The following WDPCP variants were observed in gnomAD, a reference collection of about 807,000 sequenced individuals.
WDPCP encodes the protein WD repeat-containing and planar cell polarity effector protein fritz homolog.
Under a neutral mutation model 93.1 loss-of-function variants are expected in WDPCP, and 71 were observed. The observed-to-expected ratio is 0.76, with a 90% CI of 0.63 to 0.93. The LOEUF is 0.93. WDPCP is among the 40% of genes least tolerant of loss of function. The pLI is 0.00. For missense variants in WDPCP, 844 were observed against 887.4 expected (o/e 0.95, Z 0.62); for synonymous variants, 315 against 315.0 (o/e 1.00, Z 0.00).
At chr2:63,266,866 T>C (rs1682174236) in intron 13 of WDPCP, among the ~76,000 whole-genome samples, 1 of 152,202 alleles carries the variant, frequency 6.6e-6, no homozygotes, top group Non-Finnish European at 1.5e-5. Flanking sequence ...CCCATATTCA[T>C]GGATTAGTAG....
At chr2:63,288,777 C>A (rs4671472) in intron 13 of WDPCP, among the ~76,000 whole-genome samples, 121,915 of 152,156 alleles carry the variant, frequency 0.8, 49,713 homozygotes, top group East Asian at 0.96. Flanking sequence ...ATATCCATTT[C>A]TTGATGCATT....
intron 14 of WDPCP, among the ~76,000 whole-genome samples, chr2:63,213,957 C>A (rs1482057381): frequency 1.3e-5 from 2 of 152,050 alleles, no homozygotes; most frequent in African/African-American, 2.4e-5. Flanking sequence ...CAATAACAGG[C>A]TCTGAAATTG....
intron 12 of WDPCP, among the ~76,000 whole-genome samples, chr2:63,356,336 T>A (rs1558511706): frequency 6.6e-6 from 1 of 152,172 alleles, no homozygotes; most frequent in Non-Finnish European, 1.5e-5. Context: ...AGTGGGACAC[T>A]TCAACACTCC....
At chr2:63,134,724 G>A (rs1241671109) in intron 17 of WDPCP, among the ~76,000 whole-genome samples, 1 of 152,202 alleles carries the variant, frequency 6.6e-6, no homozygotes, top group Non-Finnish European at 1.5e-5. Flanking sequence ...CATCTTTGAA[G>A]TATGTATTTA....
chr2:63,593,453 G>T, upstream of WDPCP: 2 of 412,802 alleles, frequency 4.8e-6, no homozygotes, highest in Non-Finnish European at 5.0e-6. Context: ...GTACCAAATT[G>T]CTGAGTGCTG....
At chr2:63,670,886 A>G (rs1206472420) in intron 2 of WDPCP, among the ~76,000 whole-genome samples, 2 of 152,184 alleles carry the variant, frequency 1.3e-5, no homozygotes, top group Non-Finnish European at 2.9e-5. Flanking sequence ...AGAGAGGAAA[A>G]AAAAGTAGGA....
chr2:63,685,673 A>G lies in WDPCP; in HGVS notation n.309-34835T>C, dbSNP rs373694906. On this transcript the variant is annotated intron_variant and non_coding_transcript_variant, in intron 2 of 4. Transcript: ENST00000467687. ...CAGAAAAAGAAAACTACAGGCCAAT[A>G]TCTCTGATGAATATTGATGCAAAAA... Among the ~76,000 whole-genome samples the G allele has an allele frequency of 9.2e-5, 14 of 152,336 alleles. No homozygotes were observed. In the East Asian group the frequency reaches 2.1e-3, roughly 23 times the overall value.
chr2:63,595,268 A>G (rs577687140), intron 3 of WDPCP, among the ~76,000 whole-genome samples: 17 of 152,198 alleles, frequency 1.1e-4, no homozygotes, highest in Non-Finnish European at 7.3e-5. Flanking sequence ...TGAAAGTGGC[A>G]TAGTGCTAGA....
At chr2:63,216,902 TG>T (rs1461570417) in intron 14 of WDPCP, among the ~76,000 whole-genome samples, 1 of 152,182 alleles carries the variant, frequency 6.6e-6, no homozygotes, top group African/African-American at 2.4e-5. Flanking sequence ...GACACTGAAT[TG>T]GGTTCACCTG....
chr2:63,788,650 G>T (rs1670502719), intron 2 of WDPCP, among the ~76,000 whole-genome samples: 1 of 152,030 alleles, frequency 6.6e-6, no homozygotes, highest in Non-Finnish European at 1.5e-5. Context: ...GAAACAAACT[G>T]CCAAAGTTCC....
intron 2 of WDPCP, among the ~76,000 whole-genome samples, chr2:63,705,096 A>G (rs1225041504): frequency 6.6e-6 from 1 of 152,160 alleles, no homozygotes; most frequent in Non-Finnish European, 1.5e-5. Context: ...AGAGGTGTTT[A>G]TAGTATTCTC....
intron 1 of WDPCP, among the ~76,000 whole-genome samples, chr2:63,562,750 C>G (rs1706722322): frequency 6.6e-6 from 1 of 152,146 alleles, no homozygotes. Flanking sequence ...TTTCAACTTA[C>G]TTAATGAGTT....
chr2:63,637,825 A>G (rs1473569678), intron 3 of WDPCP, among the ~76,000 whole-genome samples: 5 of 152,320 alleles, frequency 3.3e-5, no homozygotes, highest in Non-Finnish European at 5.9e-5. Context: ...AACTGTCTCA[A>G]ATTTTTGGTG....
intron 9 of WDPCP, among the ~76,000 whole-genome samples, chr2:63,413,756 C>T (rs967187585): frequency 6.6e-5 from 10 of 151,986 alleles, no homozygotes; most frequent in African/African-American, 2.2e-4. Flanking sequence ...CAAGATCCAG[C>T]CTGGGCTACA....
intron 2 of WDPCP, among the ~76,000 whole-genome samples, chr2:63,789,171 A>G (rs1358129600): frequency 6.6e-6 from 1 of 152,250 alleles, no homozygotes; most frequent in Non-Finnish European, 1.5e-5. Flanking sequence ...GATGTGCCAG[A>G]TAAGTCAATA....
Position 63,494,160 on chromosome 2 carries a change from G to A in WDPCP, c.76-1220C>T, listed in dbSNP as rs1701061211. ...CTGAAATGGCAGAGTGAAAAATGTG[G>A]CAGCACACAAGAGGGGCCCAATCCT... On this transcript the variant is annotated intron_variant, in intron 1 of 17. Transcript: ENST00000272321. Among the ~76,000 whole-genome samples the A allele has an allele frequency of 2.0e-5, 3 of 152,086 alleles. No individual in the cohort carries two copies. In the South Asian group the frequency reaches 6.2e-4, roughly 31 times the overall value.
chr2:63,322,048 T>C (rs571386226), intron 12 of WDPCP, among the ~76,000 whole-genome samples: 1 of 152,302 alleles, frequency 6.6e-6, no homozygotes, highest in African/African-American at 2.4e-5. Flanking sequence ...GGTGGGGACT[T>C]GGAGAACTTT....
chr2:63,595,473 C>T (rs746932100), intron 3 of WDPCP: 12 of 1,613,312 alleles, frequency 7.4e-6, no homozygotes, highest in East Asian at 2.2e-5. Context: ...GTGTCCTGGA[C>T]GGTGTCCTAA....
At chr2:63,459,682 G>A (rs1698874873) in intron 6 of WDPCP, among the ~76,000 whole-genome samples, 1 of 152,174 alleles carries the variant, frequency 6.6e-6, no homozygotes, top group African/African-American at 2.4e-5. Flanking sequence ...TTGGGAGGCT[G>A]AGGCAGGCAG....
Sources: gnomAD v4.1 joint callset for allele counts (sites outside exome capture counted in the v4.1 genomes callset) on GRCh38, gnomAD v4.1.1 for gene constraint, MANE v1.5 for transcripts, NCBI Gene and HGNC (gene_info 2026-07-23, HGNC 2026-07-21) for gene names.